Variants in CFAP36 observed in about 807,000 individuals in gnomAD.
The protein encoded by CFAP36 is cilia and flagella associated protein 36, also known as cilia- and flagella-associated protein 36.
Under a neutral mutation model 50.5 loss-of-function variants are expected in CFAP36, and 37 were observed. That is an observed-to-expected ratio of 0.73 (90% confidence interval 0.56 to 0.96). The LOEUF (loss-of-function observed/expected upper bound fraction) is 0.96. CFAP36 is among the 50% of genes least tolerant of loss of function. The pLI is 0.00. For missense variants in CFAP36, 407 were observed against 396.2 expected, an observed-to-expected ratio of 1.03 and a Z score of -0.23; for synonymous variants, 138 against 128.2, an observed-to-expected ratio of 1.08 and a Z score of -0.52.
chr2:55,519,760 G>A lies in CFAP36; in HGVS notation c.-42G>A, dbSNP rs765019088. ...CCCAAAGGCCTAACCGGGGTCCGGC[G>A]GTCTGGCCTAGGGATCTTCCCCGTT... On this transcript the variant is annotated 5_prime_UTR_variant, in exon 1 of 10. Transcript: ENST00000349456. 3 of 1,605,028 alleles carry A rather than the reference G, an allele frequency of 1.9e-6. No individual in the cohort carries two copies. The African/African-American group carries it at 4.0e-5, about 21-fold the overall frequency.
At chr2:55,534,070 T>G in intron 5 of CFAP36, 110 bp downstream of exon 5, 1 of 528,202 alleles carries the variant, frequency 1.9e-6, no homozygotes, top group Non-Finnish European at 3.3e-6. Context: ...AATTCTCTAC[T>G]GAAAACCATC....
At chr2:55,532,158 T>C (rs114107452) in intron 4 of CFAP36, among the ~76,000 whole-genome samples, 96 of 150,876 alleles carry the variant, frequency 6.4e-4, no homozygotes, top group African/African-American at 1.8e-3. Context: ...GCTATGATAG[T>C]ACCACTGCGT....
At position 55,533,017 on chromosome 2, in the gene CFAP36, G is replaced by A. The variant is rs550020773; in HGVS notation, c.398-856G>A. ...AATAGAAGCTTCAAGGGCAGAGATC[G>A]TTTTATTCATCTTTGTATCCCCCCA... is the stretch of plus-strand genomic sequence containing the variant. On this transcript the variant is annotated intron_variant, in intron 4 of 9. Transcript: ENST00000349456. Among the ~76,000 whole-genome samples the A allele has an allele frequency of 1.1e-4, 16 of 152,328 alleles. No homozygotes were observed. The East Asian group carries it at 2.3e-3, about 22-fold the overall frequency.
chr2:55,524,422 A>ATTTTTTTTTT (rs57908457), intron 3 of CFAP36, among the ~76,000 whole-genome samples: 1 of 99,370 alleles, frequency 1.0e-5, no homozygotes, highest in Non-Finnish European at 1.9e-5. Context: ...CACATGGCTA[A>ATTTTTTTTTT]TTTTTTTTTT....
At chr2:55,533,535 T>G (rs959952239) in intron 4 of CFAP36, among the ~76,000 whole-genome samples, 1 of 151,800 alleles carries the variant, frequency 6.6e-6, no homozygotes, top group African/African-American at 2.4e-5. Context: ...AAACCCCATC[T>G]CTACTAAAAA....
At chr2:55,521,949 T>G (rs12992408) in intron 1 of CFAP36, among the ~76,000 whole-genome samples, 153 bp from the exon 2 acceptor site, 33,856 of 152,008 alleles carry the variant, frequency 0.22, 3,900 homozygotes, top group East Asian at 0.34. Context: ...TATTTTTAGA[T>G]ATATTCATTT....
chr2:55,529,218 G>A (rs988280712), intron 4 of CFAP36, among the ~76,000 whole-genome samples: 5 of 151,940 alleles, frequency 3.3e-5, no homozygotes, highest in Non-Finnish European at 7.4e-5. Context: ...TCAGGAGATC[G>A]AGACCATCCC....
At chr2:55,525,470 T>C (rs978347737) in intron 3 of CFAP36, among the ~76,000 whole-genome samples, 1 of 152,022 alleles carries the variant, frequency 6.6e-6, no homozygotes. Context: ...AAACAAAACA[T>C]TGGCTTTGGC....
At chr2:55,537,987 G>A (rs1345235469) in intron 7 of CFAP36, among the ~76,000 whole-genome samples, 3 of 152,182 alleles carry the variant, frequency 2.0e-5, no homozygotes, top group Non-Finnish European at 4.4e-5. Context: ...AATGAATTAA[G>A]TACAGCTAGA....
intron 9 of CFAP36, 39 bp downstream of exon 9, chr2:55,544,408 G>C (rs765298042): frequency 6.4e-7 from 1 of 1,567,454 alleles, no homozygotes; most frequent in Non-Finnish European, 8.6e-7. Flanking sequence ...TACAAATCTG[G>C]TGGTGGAACT....
At chr2:55,522,549 A>G (rs1574610934) in intron 2 of CFAP36, among the ~76,000 whole-genome samples, 1 of 152,178 alleles carries the variant, frequency 6.6e-6, no homozygotes, top group African/African-American at 2.4e-5. Context: ...CAGTGGCACT[A>G]TCACAGCCTA....
Position 55,537,553 on chromosome 2 carries a change from G to T in CFAP36, c.608G>T (p.Gly203Val). 6.2e-7 allele frequency: 1 copy of T among 1,613,430 alleles called. No individual in the cohort carries two copies. Among genetic ancestry groups the T allele is most frequent in the Non-Finnish European group, 8.5e-7 (1 of 1,179,712 alleles). ...SEAAIMNNSQ[G>V]DGEHFAHPPS... Reference sequence around the variant, plus strand: ...GCTGCAATAATGAATAATTCCCAAGGGGATGGTGAACATTTTGCACACCCA... The same window carrying T: ...GCTGCAATAATGAATAATTCCCAAGTGGATGGTGAACATTTTGCACACCCA... Residue 203 changes from glycine (G) to valine (V), a missense_variant, in exon 7 of 10, where the codon GGG becomes GTG. Gly to Val is a moderately radical substitution (Grantham distance 109, BLOSUM62 -3). Coordinates refer to ENST00000349456, the MANE Select transcript of CFAP36 (RefSeq NM_080667.7).
At position 55,523,771 on chromosome 2, in the gene CFAP36, T is replaced by G; in HGVS notation, c.231T>G (p.Asp77Glu). ...GYLKEIGINE[D>E]QFQEACTSPL... is the part of the protein sequence containing the mutation. The stretch of plus-strand genomic sequence containing the variant: ...TCAAAGAAATTGGAATTAATGAAGA[T>G]CAATTTCAAGAAGCATGCACTTCTC... Residue 77 changes from aspartate (D) to glutamate (E), a missense_variant, in exon 3 of 10, where the codon GAT becomes GAG. Coordinates refer to ENST00000349456, the MANE Select transcript of CFAP36 (RefSeq NM_080667.7). 6.2e-7 allele frequency: 1 copy of G among 1,609,758 alleles called. No homozygotes were observed. Among genetic ancestry groups the G allele is most frequent in the Non-Finnish European group, 8.5e-7 (1 of 1,177,310 alleles).
At chr2:55,537,945 A>G (rs1318791302) in intron 7 of CFAP36, among the ~76,000 whole-genome samples, 1 of 152,222 alleles carries the variant, frequency 6.6e-6, no homozygotes, top group Non-Finnish European at 1.5e-5. Context: ...TGAGAAGCTG[A>G]ACTTGGAAAG....
intron 7 of CFAP36, among the ~76,000 whole-genome samples, chr2:55,541,228 G>A (rs1369526194): frequency 6.6e-6 from 1 of 152,152 alleles, no homozygotes; most frequent in African/African-American, 2.4e-5. Flanking sequence ...GGAGGCTGAG[G>A]CAGGAGAATC....
intron 4 of CFAP36, 34 bp from the exon 5 acceptor site, chr2:55,533,839 G>C: frequency 7.6e-7 from 1 of 1,311,580 alleles, no homozygotes; most frequent in Admixed American, 1.9e-5. Flanking sequence ...TAATGGAGTT[G>C]ATACTATTTC....
chr2:55,522,101 GT>G lies in CFAP36; in HGVS notation c.120del (p.Phe40LeufsTer9). The G allele has an allele frequency of 1.4e-6, 2 of 1,456,302 alleles. No individual in the cohort carries two copies. Among genetic ancestry groups the G allele is most frequent in the African/African-American group, 1.4e-5 (1 of 70,642 alleles). The allele number at this position is 1,456,302 out of a possible 1,614,324, so 90.2% of individuals were successfully genotyped here. A position where few individuals can be genotyped will look rare whatever the true frequency, so the allele number is the denominator to read the frequency against. On this transcript the variant is annotated frameshift_variant and splice_region_variant, in exon 2 of 10. Coordinates refer to ENST00000349456, the MANE Select transcript of CFAP36 (RefSeq NM_080667.7). LOFTEE classifies it high-confidence loss of function. ...TATGTAATATTTTCTTTTAAATTTA[GT>G]TTTTGATGATGAAGAAGAAAGCAAA... ...ILDFVEQKCE[V>X]FDDEEESKLT...
chr2:55,520,254 G>C (rs1470021837), intron 1 of CFAP36: 3 of 682,488 alleles, frequency 4.4e-6, no homozygotes, highest in South Asian at 2.1e-5. Context: ...TTCTGCCCTC[G>C]GCAGGTGGAC....
chr2:55,523,248 CAAA>C (rs34360176), intron 2 of CFAP36, among the ~76,000 whole-genome samples: 21 of 140,354 alleles, frequency 1.5e-4, no homozygotes, highest in Admixed American at 1.4e-4. Flanking sequence ...CCATCTCTAC[CAAA>C]AAAAAAAAAA....
Sources: gnomAD v4.1 joint callset for allele counts (sites outside exome capture counted in the v4.1 genomes callset) on GRCh38, gnomAD v4.1.1 for gene constraint, MANE v1.5 for transcripts, NCBI Gene and HGNC (gene_info 2026-07-23, HGNC 2026-07-21) for gene names.